Variants in YPEL5 observed in about 807,000 individuals in gnomAD.
YPEL5 encodes yippee like 5.
Under a neutral mutation model 10.5 loss-of-function variants are expected in YPEL5, and 1 was observed. The ratio of observed to expected loss-of-function variants is 0.10; its 90% CI spans 0.03 to 0.45. YPEL5 has a LOEUF of 0.45. YPEL5 is among the 20% of genes least tolerant of loss of function. The probability of loss-of-function intolerance (pLI) is 0.97; values close to 1 mark genes in which losing one functional copy is unlikely to be tolerated. For missense variants in YPEL5, 68 were observed against 159.3 expected, an observed-to-expected ratio of 0.43 and a Z score of 3.09; for synonymous variants, 61 against 56.6, an observed-to-expected ratio of 1.08 and a Z score of -0.35.
At chr2:30,155,051 C>G (rs1187946961) in intron 1 of YPEL5, among the ~76,000 whole-genome samples, 12 of 152,168 alleles carry the variant, frequency 7.9e-5, no homozygotes, top group Non-Finnish European at 8.8e-5. Context: ...GTGTTGTATT[C>G]TTAATCATCT....
rs1323135843 is a variant in YPEL5 at position 30,159,417 on chromosome 2, A to G, written c.*574A>G. On this transcript the variant is annotated 3_prime_UTR_variant, in exon 3 of 3. Coordinates refer to ENST00000261353, the MANE Select transcript of YPEL5 (RefSeq NM_016061.3). ...CTTCCTTGTCAGTCTTGGCCCAAAG[A>G]TGTCACCATTCCTAGTTATTTGTCA... 6.5e-6 allele frequency: 1 copy of G among 152,998 alleles called. No individual in the cohort carries two copies. The highest frequency in any genetic ancestry group is 2.4e-5 in the African/African-American group (1 of 41,446). The allele number at this position is 152,998 out of a possible 1,614,324, so 9.5% of individuals were successfully genotyped here.
rs549845673 is a variant in YPEL5, at chr2:30,150,115, C to T, written c.-25+3053C>T. Among the ~76,000 whole-genome samples the T allele has an allele frequency of 3.3e-5, 5 of 152,314 alleles. No homozygotes were observed. The East Asian group carries it at 9.6e-4, about 29-fold the overall frequency. On this transcript the variant is annotated intron_variant, in intron 1 of 2. Transcript: ENST00000261353. ...GTGACATGCTTCAGAAGGTTTCTAA[C>T]TTTCCTCCAGCTTCTGATTTCTATC...
intron 2 of YPEL5, among the ~76,000 whole-genome samples, chr2:30,157,396 C>G (rs1041280686): frequency 7.2e-5 from 11 of 152,160 alleles, no homozygotes; most frequent in African/African-American, 2.7e-4. Flanking sequence ...TCAAGATACC[C>G]ACCTCCCTTT....
chr2:30,147,386 C>T (rs1251036226), intron 1 of YPEL5: 2 of 148,344 alleles, frequency 1.3e-5, no homozygotes, highest in East Asian at 3.9e-4. Context: ...GCGGCGCCCG[C>T]GCCTCCGCCC....
chr2:30,148,678 T>C (rs1675634855), intron 1 of YPEL5: 1 of 152,228 alleles, frequency 6.6e-6, no homozygotes, highest in Admixed American at 6.5e-5. Flanking sequence ...TGGAAAATAA[T>C]GTTACCTGGT....
Position 30,159,382 on chromosome 2 carries a change from A to G in YPEL5, c.*539A>G, listed in dbSNP as rs1479287034. The stretch of plus-strand genomic sequence containing the variant: ...CTTGTTGGAGATGAACCGTAGCACC[A>G]GAGCCCATTCTTCCTTGTCAGTCTT... On this transcript the variant is annotated 3_prime_UTR_variant, in exon 3 of 3. Coordinates refer to ENST00000261353, the MANE Select transcript of YPEL5 (RefSeq NM_016061.3). 1 of 153,472 alleles carries G rather than the reference A, an allele frequency of 6.5e-6. No individual in the cohort carries two copies. The highest frequency in any genetic ancestry group is 1.5e-5 in the Non-Finnish European group (1 of 68,682). 9.5% of individuals were successfully genotyped at this position (153,472 alleles called of 1,614,324 possible).
chr2:30,149,783 CTT>C (rs1331163147), intron 1 of YPEL5, among the ~76,000 whole-genome samples: 1 of 152,222 alleles, frequency 6.6e-6, no homozygotes, highest in Non-Finnish European at 1.5e-5. Flanking sequence ...TGTACCTTGC[CTT>C]TGTCCCATCT....
intron 1 of YPEL5, among the ~76,000 whole-genome samples, chr2:30,152,414 G>C (rs1675841299): frequency 6.6e-6 from 1 of 152,188 alleles, no homozygotes; most frequent in Admixed American, 6.5e-5. Context: ...CAGTGATGAA[G>C]GGGAGGGAGG....
In YPEL5 at chr2:30,159,053, T is replaced by C. The variant is rs1676167493; in HGVS notation, c.*210T>C. On this transcript the variant is annotated 3_prime_UTR_variant, in exon 3 of 3. Transcript: ENST00000261353. The stretch of plus-strand genomic sequence containing the variant: ...ACAGCAGTGTGTAGAGAGAATATTA[T>C]GCAGATGCCGTTAATTTTTTACCCT... 1 of 565,946 alleles carries C rather than the reference T, an allele frequency of 1.8e-6. No homozygotes were observed. The highest frequency in any genetic ancestry group is 3.1e-6 in the Non-Finnish European group (1 of 322,764). The allele number at this position is 565,946 out of a possible 1,614,324, so 35.1% of individuals were successfully genotyped here. A position where few individuals can be genotyped will look rare whatever the true frequency, so the allele number is the denominator to read the frequency against.
chr2:30,154,347 T>A (rs1675943960), intron 1 of YPEL5, among the ~76,000 whole-genome samples: 1 of 152,248 alleles, frequency 6.6e-6, no homozygotes, highest in South Asian at 2.1e-4. Flanking sequence ...TCAGGAGTCA[T>A]ACATTCAAAT....
At chr2:30,155,567 T>C (rs1171980451) in intron 1 of YPEL5, among the ~76,000 whole-genome samples, 1 of 152,264 alleles carries the variant, frequency 6.6e-6, no homozygotes, top group Non-Finnish European at 1.5e-5. Context: ...GAATAAATTA[T>C]GTTTTAAATT....
intron 1 of YPEL5, among the ~76,000 whole-genome samples, chr2:30,154,938 C>T (rs142803337): frequency 1.8e-3 from 281 of 152,214 alleles, no homozygotes; most frequent in African/African-American, 6.5e-3. Context: ...AGGGTTTCAC[C>T]ATGTTAACCA....
Position 30,155,674 on chromosome 2 carries a change from C to T in YPEL5, c.-24-954C>T, listed in dbSNP as rs540472318. On this transcript the variant is annotated intron_variant, in intron 1 of 2. Coordinates refer to ENST00000261353, the MANE Select transcript of YPEL5 (RefSeq NM_016061.3). Reference sequence around the variant, plus strand: ...TTTAAGAACTTGCATATAGTAACTTCCCTAACTTTTGAATGTTATAAAGTG... The same window carrying T: ...TTTAAGAACTTGCATATAGTAACTTTCCTAACTTTTGAATGTTATAAAGTG... 2.5e-4 allele frequency: 38 copies of T among 152,310 alleles called. No homozygotes were observed. In the East Asian group the frequency reaches 6.6e-3, roughly 26 times the overall value. The allele number at this position is 152,310 out of a possible 1,614,324, so 9.4% of individuals were successfully genotyped here.
intron 1 of YPEL5, among the ~76,000 whole-genome samples, chr2:30,154,518 T>C (rs1202166227): frequency 6.6e-6 from 1 of 152,198 alleles, no homozygotes; most frequent in Non-Finnish European, 1.5e-5. Context: ...AAATCCAAAC[T>C]ACAGGCTCTT....
At chr2:30,155,734 A>G (rs944580315) in intron 1 of YPEL5, 2 of 152,200 alleles carry the variant, frequency 1.3e-5, no homozygotes, top group Non-Finnish European at 2.9e-5. Context: ...TCAAACTTAC[A>G]TCTTTTCAGT....
At chr2:30,153,984 G>A (rs1052892176) in intron 1 of YPEL5, among the ~76,000 whole-genome samples, 2 of 152,210 alleles carry the variant, frequency 1.3e-5, no homozygotes, top group Non-Finnish European at 2.9e-5. Flanking sequence ...AGAAGGCATA[G>A]GGAAAGTTCA....
At chr2:30,155,469 T>C (rs1042291580) in intron 1 of YPEL5, among the ~76,000 whole-genome samples, 19 of 152,212 alleles carry the variant, frequency 1.2e-4, no homozygotes, top group South Asian at 2.1e-4. Flanking sequence ...GATTTTTTTT[T>C]CCACAGTGGC....
At chr2:30,154,800 A>G (rs1250962192) in intron 1 of YPEL5, among the ~76,000 whole-genome samples, 1 of 152,188 alleles carries the variant, frequency 6.6e-6, no homozygotes, top group Non-Finnish European at 1.5e-5. Context: ...ATGCAGTGGC[A>G]TGATCTTGGC....
chr2:30,152,894 T>G (rs1245939670), intron 1 of YPEL5, among the ~76,000 whole-genome samples: 1 of 148,230 alleles, frequency 6.7e-6, no homozygotes, highest in Non-Finnish European at 1.5e-5. Flanking sequence ...TCCTTTGTTT[T>G]TTTTTTTTTT....
Sources: gnomAD v4.1 joint callset for allele counts (sites outside exome capture counted in the v4.1 genomes callset) on GRCh38, gnomAD v4.1.1 for gene constraint, MANE v1.5 for transcripts, NCBI Gene and HGNC (gene_info 2026-07-23, HGNC 2026-07-21) for gene names.